The following SPMIP2 variants were observed in gnomAD, a reference collection of about 807,000 sequenced individuals.
SPMIP2 encodes sperm microtubule inner protein 2.
chr4:158,919,363 C>T, the SPMIP2 span, among the ~76,000 whole-genome samples: 2 of 152,214 alleles, frequency 1.3e-5, no homozygotes, highest in African/African-American at 4.8e-5. Context: ...CAGTCTGGAA[C>T]CGTTTCTCAG....
At chr4:159,006,617 G>A in the SPMIP2 span, among the ~76,000 whole-genome samples, 2 of 152,118 alleles carry the variant, frequency 1.3e-5, no homozygotes, top group Admixed American at 1.3e-4. Flanking sequence ...GCAAAATGCT[G>A]AACATGAAGA....
chr4:159,058,147 G>A, the SPMIP2 span, among the ~76,000 whole-genome samples: 22 of 150,626 alleles, frequency 1.5e-4, no homozygotes, highest in Admixed American at 2.6e-4. Context: ...GGCGTGAGCC[G>A]CTGCACTAGG....
chr4:159,003,724 C>A, the SPMIP2 span, among the ~76,000 whole-genome samples: 1 of 152,174 alleles, frequency 6.6e-6, no homozygotes, highest in Non-Finnish European at 1.5e-5. Flanking sequence ...CAAAAGAGAG[C>A]TTTAAACCTC....
chr4:158,894,481 C>G, the SPMIP2 span, among the ~76,000 whole-genome samples: 1 of 152,048 alleles, frequency 6.6e-6, no homozygotes, highest in Admixed American at 6.6e-5. Flanking sequence ...TAAAAGTTGT[C>G]TAAATGCTTT....
the SPMIP2 span, among the ~76,000 whole-genome samples, chr4:159,020,098 C>T: frequency 6.6e-6 from 1 of 150,616 alleles, no homozygotes. Flanking sequence ...CCAGCCTGGG[C>T]AACAGAGCCA....
chr4:158,988,697 G>A, the SPMIP2 span, among the ~76,000 whole-genome samples: 5 of 152,244 alleles, frequency 3.3e-5, no homozygotes, highest in Admixed American at 6.5e-5. Flanking sequence ...AGCCCTTTAT[G>A]CTATAAACTC....
At chr4:158,991,633 C>T in the SPMIP2 span, among the ~76,000 whole-genome samples, 1 of 152,108 alleles carries the variant, frequency 6.6e-6, no homozygotes, top group Non-Finnish European at 1.5e-5. Context: ...ATGAAAACAT[C>T]GTGGCTTCAA....
the SPMIP2 span, among the ~76,000 whole-genome samples, chr4:159,002,106 T>G: frequency 6.6e-6 from 1 of 152,244 alleles, no homozygotes; most frequent in East Asian, 1.9e-4. Flanking sequence ...ATATGCTTCT[T>G]GGCCACATGT....
the SPMIP2 span, among the ~76,000 whole-genome samples, chr4:159,050,166 A>T: frequency 2.0e-5 from 3 of 151,582 alleles, no homozygotes; most frequent in Non-Finnish European, 4.4e-5. Flanking sequence ...CAGCATTTGG[A>T]ATTCATTCTT....
the SPMIP2 span, chr4:159,035,232 C>G: frequency 1.5e-6 from 1 of 651,850 alleles, no homozygotes; most frequent in Non-Finnish European, 2.7e-6. Flanking sequence ...TTGCTAATGA[C>G]TCTTTATGAC....
the SPMIP2 span, among the ~76,000 whole-genome samples, chr4:159,045,354 G>GATGAAGTCAT: frequency 6.6e-6 from 1 of 152,190 alleles, no homozygotes. Context: ...AGGTATTTTT[G>GATGAAGTCAT]AGATACATTA....
the SPMIP2 span, among the ~76,000 whole-genome samples, chr4:159,010,925 T>C: frequency 6.6e-6 from 1 of 152,152 alleles, no homozygotes; most frequent in Non-Finnish European, 1.5e-5. Flanking sequence ...TCTAAAATAG[T>C]AACATCTTTT....
At chr4:159,065,547 C>T in the SPMIP2 span, among the ~76,000 whole-genome samples, 2 of 152,096 alleles carry the variant, frequency 1.3e-5, no homozygotes, top group Non-Finnish European at 2.9e-5. Flanking sequence ...GCGAAACCCT[C>T]TCTCTACAAA....
At chr4:158,975,785 T>C in the SPMIP2 span, among the ~76,000 whole-genome samples, 3,024 of 152,334 alleles carry the variant, frequency 0.02, 44 homozygotes, top group South Asian at 0.03. Context: ...ATGTGGGCTC[T>C]GTTTTGGTTC....
chr4:158,917,266 T>C, the SPMIP2 span, among the ~76,000 whole-genome samples: 1 of 149,126 alleles, frequency 6.7e-6, no homozygotes, highest in Non-Finnish European at 1.5e-5. Context: ...ATAATAGTTA[T>C]AATACAAACA....
chr4:158,990,746 G>T, the SPMIP2 span, among the ~76,000 whole-genome samples: 1 of 152,128 alleles, frequency 6.6e-6, no homozygotes, highest in Non-Finnish European at 1.5e-5. Flanking sequence ...GGGGTGAGGG[G>T]CTAGGAGAGG....
the SPMIP2 span, among the ~76,000 whole-genome samples, chr4:158,946,900 GTTGGCACTTGGTT>G: frequency 6.6e-6 from 1 of 152,314 alleles, no homozygotes; most frequent in South Asian, 2.1e-4. Context: ...CTGGTACATA[GTTGGCACTTGGTT>G]ATTTATTGAA....
At chr4:158,946,190 C>T in the SPMIP2 span, among the ~76,000 whole-genome samples, 51,679 of 152,062 alleles carry the variant, frequency 0.34, 10,411 homozygotes, top group East Asian at 0.82. Context: ...ATTTTTCCCC[C>T]AACTTGGCAT....
chr4:158,978,786 C>G, the SPMIP2 span, among the ~76,000 whole-genome samples: 1 of 152,002 alleles, frequency 6.6e-6, no homozygotes, highest in African/African-American at 2.4e-5. Context: ...ATTCCTCCAT[C>G]CCTTTATTTT....
Sources: gnomAD v4.1 joint callset for allele counts (sites outside exome capture counted in the v4.1 genomes callset) on GRCh38, gnomAD v4.1.1 for gene constraint, MANE v1.5 for transcripts, NCBI Gene and HGNC (gene_info 2026-07-23, HGNC 2026-07-21) for gene names.